ITGB5: variants seen among roughly 807,000 people sequenced by gnomAD.
The protein encoded by ITGB5 is integrin beta-5.
Under a neutral mutation model 84.8 loss-of-function variants are expected in ITGB5, and 38 were observed. That is an observed-to-expected ratio of 0.45 (90% CI 0.35 to 0.59). ITGB5 has a LOEUF of 0.59. Among genes scored for constraint, ITGB5 ranks in the 20% least tolerant of loss-of-function variants. ITGB5 has a pLI of 0.01. For synonymous variants in ITGB5, 393 were observed against 414.4 expected (o/e 0.95, Z 0.63); for missense variants, 905 against 1,034.5 (o/e 0.87, Z 1.72).
chr3:124,847,506 T>C (rs758492539), intron 4 of ITGB5, among the ~76,000 whole-genome samples: 10 of 152,228 alleles, frequency 6.6e-5, no homozygotes, highest in Non-Finnish European at 1.0e-4. Context: ...CCTGGCTCAG[T>C]CCTGTTCCGT....
intron 1 of ITGB5, among the ~76,000 whole-genome samples, chr3:124,899,349 G>C (rs1472884912): frequency 6.6e-6 from 1 of 152,188 alleles, no homozygotes; most frequent in Non-Finnish European, 1.5e-5. Flanking sequence ...TTCAGGTGCA[G>C]CAAAGGGGCT....
At chr3:124,847,957 G>A (rs17309224) in intron 4 of ITGB5, among the ~76,000 whole-genome samples, 1 of 151,956 alleles carries the variant, frequency 6.6e-6, no homozygotes, top group African/African-American at 2.4e-5. Context: ...GTTACTACAA[G>A]CAAGGGGAAA....
chr3:124,885,783 C>G (rs1021970223), intron 1 of ITGB5, among the ~76,000 whole-genome samples: 10 of 152,176 alleles, frequency 6.6e-5, no homozygotes, highest in African/African-American at 2.2e-4. Flanking sequence ...AACCAAAAAC[C>G]TTGCTACAGT....
chr3:124,875,172 AC>A (rs1174228321), intron 1 of ITGB5, among the ~76,000 whole-genome samples: 1 of 152,126 alleles, frequency 6.6e-6, no homozygotes, highest in Non-Finnish European at 1.5e-5. Flanking sequence ...AAAGCAAATA[AC>A]CCAGTTACAA....
intron 3 of ITGB5, among the ~76,000 whole-genome samples, chr3:124,850,653 C>A (rs1472445500): frequency 6.6e-6 from 1 of 151,610 alleles, no homozygotes; most frequent in Non-Finnish European, 1.5e-5. Flanking sequence ...TGTAACTAAC[C>A]CGCACATTGT....
chr3:124,814,478 T>TAA (rs71625774), intron 8 of ITGB5, among the ~76,000 whole-genome samples: 7 of 134,996 alleles, frequency 5.2e-5, no homozygotes, highest in East Asian at 2.1e-4. Flanking sequence ...TTTTCCAATT[T>TAA]AAAAAAAAAA....
chr3:124,772,911 CTTTT>C (rs35802279), intron 11 of ITGB5, among the ~76,000 whole-genome samples: 10 of 127,322 alleles, frequency 7.9e-5, no homozygotes, highest in East Asian at 2.3e-4. Flanking sequence ...CTCCAATTTA[CTTTT>C]TTTTTTTTTT....
intron 2 of ITGB5, among the ~76,000 whole-genome samples, chr3:124,865,518 G>A (rs989418570): frequency 2.9e-4 from 35 of 121,050 alleles, no homozygotes; most frequent in African/African-American, 1.1e-3. Context: ...ACTGGGTCTC[G>A]CTCTGTCGTC....
intron 6 of ITGB5, 27 bp downstream of exon 6, chr3:124,821,286 A>AG (rs1004534631): frequency 1.9e-6 from 3 of 1,597,774 alleles, no homozygotes; most frequent in Non-Finnish European, 2.6e-6. Flanking sequence ...GGCAACAGGG[A>AG]GGGGGGATCT....
chr3:124,786,649 T>C (rs1174329743), intron 10 of ITGB5, among the ~76,000 whole-genome samples: 1 of 152,086 alleles, frequency 6.6e-6, no homozygotes, highest in Non-Finnish European at 1.5e-5. Flanking sequence ...AGGAAACCTT[T>C]GAGCAGATCA....
upstream of ITGB5, among the ~76,000 whole-genome samples, chr3:124,889,926 C>T (rs537499824): frequency 1.8e-3 from 278 of 152,150 alleles, 3 homozygotes; most frequent in East Asian, 4.9e-3. Flanking sequence ...GCCTGAGAAT[C>T]GCTTGAATCC....
rs771710760 is a variant in ITGB5, at chr3:124,796,576, T to C, written c.1505A>G (p.Asp502Gly). The C allele has an allele frequency of 6.2e-7, 1 of 1,614,094 alleles. No homozygotes were observed. The highest frequency in any genetic ancestry group is 1.7e-5 in the Admixed American group (1 of 60,034). Residue 502 changes from aspartate (D) to glycine (G), a missense_variant, in exon 10 of 15, where the codon GAT (aspartate) becomes GGT (glycine). This residue lies in a region of ITGB5 where 656 missense variants were observed against 734.7 expected (regional missense o/e 0.89). Transcript: ENST00000296181. The stretch of plus-strand genomic sequence containing the variant: ...CTGGTACACGCTCTGGTTCTCCCCA[T>C]CCTGGCACTCGCACCTGGTGCCCAG... Reference protein sequence around the residue: ...GYLGTRCECQDGENQSVYQNL... With the variant: ...GYLGTRCECQGGENQSVYQNL...
intron 1 of ITGB5, among the ~76,000 whole-genome samples, chr3:124,898,429 G>A (rs930982309): frequency 6.8e-6 from 1 of 146,626 alleles, no homozygotes; most frequent in Non-Finnish European, 1.5e-5. Context: ...GGATCACGAC[G>A]TCAGGAGATC....
chr3:124,871,023 G>A (rs1050049578), intron 2 of ITGB5, among the ~76,000 whole-genome samples: 10 of 151,858 alleles, frequency 6.6e-5, no homozygotes, highest in Non-Finnish European at 2.9e-5. Flanking sequence ...CCAAGTAGCT[G>A]GGACTACAGG....
Position 124,791,509 on chromosome 3 carries a change from G to C in ITGB5, c.1693+4879C>G, listed in dbSNP as rs557776326. On this transcript the variant is annotated intron_variant, in intron 10 of 14. Coordinates refer to ENST00000296181, the MANE Select transcript of ITGB5 (RefSeq NM_002213.5). ...GTCTTGGCAGGGACAAGGACTGTAA[G>C]CCTCCTACTGATAGAGAGTCCAGTG... is the stretch of plus-strand genomic sequence containing the variant. 1.7e-4 allele frequency: 26 copies of C among 152,350 alleles called. 1 individual carries two copies. In the East Asian group the frequency reaches 4.6e-3, roughly 27 times the overall value. The allele number at this position is 152,350 out of a possible 1,614,324, so 9.4% of individuals were successfully genotyped here. A position where few individuals can be genotyped will look rare whatever the true frequency, so the allele number is the denominator to read the frequency against.
intron 5 of ITGB5, among the ~76,000 whole-genome samples, chr3:124,840,718 G>A (rs1467011608): frequency 6.6e-6 from 1 of 151,206 alleles, no homozygotes; most frequent in Admixed American, 6.6e-5. Context: ...AGGCTGGAGT[G>A]CAGTGGCACA....
intron 9 of ITGB5, among the ~76,000 whole-genome samples, chr3:124,800,012 T>G (rs1042420986): frequency 1.3e-5 from 2 of 152,170 alleles, no homozygotes; most frequent in African/African-American, 2.4e-5. Context: ...CCATCAAGAA[T>G]GCAGAGGTGA....
In ITGB5 at chr3:124,834,442, AGAAG is replaced by A. The variant is rs549235723; in HGVS notation, c.780+6937_780+6940del. Among the ~76,000 whole-genome samples, 1,364 of 147,098 alleles carry A rather than the reference AGAAG, an allele frequency of 9.3e-3. 25 individuals carry two copies. The highest frequency in any genetic ancestry group is 0.027 in the African/African-American group (1,062 of 39,654). On this transcript the variant is annotated intron_variant, in intron 5 of 14. Transcript: ENST00000296181. Reference sequence around the variant, plus strand: ...AAGAAAGAAGGAAACAAAGAAAGAAAGAAGGAAGGAAGGAAGGAAAGAGAGAGAG... The same window carrying A: ...AAGAAAGAAGGAAACAAAGAAAGAAAGAAGGAAGGAAGGAAAGAGAGAGAG...
intron 11 of ITGB5, among the ~76,000 whole-genome samples, chr3:124,771,633 A>G (rs1442184276): frequency 1.3e-5 from 2 of 151,460 alleles, no homozygotes; most frequent in African/African-American, 4.9e-5. Context: ...CAATAGTCCT[A>G]GCTACCTGGG....
Sources: allele counts gnomAD v4.1 joint callset (sites outside exome capture counted in the v4.1 genomes callset), GRCh38; gene constraint gnomAD v4.1.1; regional missense constraint gnomAD v4.1.1; transcripts MANE v1.5; gene names NCBI Gene and HGNC (gene_info 2026-07-23, HGNC 2026-07-21).